The following SNURF variants were observed in gnomAD, a reference collection of about 807,000 sequenced individuals.
The protein encoded by SNURF is SNRPN upstream open reading frame.
SNURF carries 6 observed loss-of-function variants against 11.6 expected under a neutral mutation model. The ratio of observed to expected loss-of-function variants is 0.52; its 90% confidence interval spans 0.28 to 1.02. The LOEUF (loss-of-function observed/expected upper bound fraction) is 1.02, where lower values mean the gene tolerates loss of function less well. Among genes scored for constraint, SNURF ranks in the 50% least tolerant of loss-of-function variants. The pLI, the probability that SNURF is intolerant of heterozygous loss-of-function variation, is 0.09. For synonymous variants in SNURF, 29 were observed against 31.6 expected, an observed-to-expected ratio of 0.92 and a Z score of 0.27; for missense variants, 84 against 88.4, an observed-to-expected ratio of 0.95 and a Z score of 0.20.
At chr15:24,974,984 GC>G (rs1173611680) in intron 3 of SNURF, 1 of 702,926 alleles carries the variant, frequency 1.4e-6, no homozygotes, top group African/African-American at 1.7e-5. Flanking sequence ...AATAAAGAGG[GC>G]TTTGAAAATG....
intron 2 of SNURF, among the ~76,000 whole-genome samples, chr15:24,963,896 G>A (rs1440305657): frequency 3.9e-5 from 6 of 152,006 alleles, no homozygotes; most frequent in Non-Finnish European, 2.9e-5. Context: ...GCCAGGCGTG[G>A]TGTTGTCTAC....
downstream of SNURF, among the ~76,000 whole-genome samples, chr15:24,969,048 C>A (rs1460856278): frequency 6.6e-6 from 1 of 151,964 alleles, no homozygotes; most frequent in Non-Finnish European, 1.5e-5. Context: ...TCCTTCTAGC[C>A]TTTTTTTAAG....
intron 1 of SNURF, among the ~76,000 whole-genome samples, chr15:24,958,497 T>TTG (rs1375881057): frequency 7.7e-6 from 1 of 130,584 alleles, no homozygotes; most frequent in Non-Finnish European, 1.6e-5. Context: ...TTTTTTTTTT[T>TTG]TTTTTTTTTT....
At chr15:24,972,492 C>A (rs1248377021), downstream of SNURF, among the ~76,000 whole-genome samples, 2 of 150,094 alleles carry the variant, frequency 1.3e-5, no homozygotes, top group African/African-American at 2.4e-5. Flanking sequence ...TTTTAATGTA[C>A]AGACATCAGA....
intron 2 of SNURF, among the ~76,000 whole-genome samples, chr15:24,964,625 C>T (rs373034648): frequency 3.3e-5 from 5 of 152,006 alleles, no homozygotes; most frequent in East Asian, 3.9e-4. Flanking sequence ...GCAGCTCTGA[C>T]GTTTTTTTAA....
At chr15:24,977,848 C>A in exon 7 of SNURF, 1 of 1,613,160 alleles carries the variant, frequency 6.2e-7, no homozygotes, top group Non-Finnish European at 8.5e-7. Context: ...ATTGCTGGAG[C>A]CCCAACACAG....
Position 24,956,083 on chromosome 15 carries a change from A to G in SNURF, c.14+1021A>G, listed in dbSNP as rs138095496. Reference sequence around the variant, plus strand: ...CGCAGGGGCTGCAGAAATGCGTGGAATCCTTGCGTACCCTTTAGGAACCCT... The same window carrying G: ...CGCAGGGGCTGCAGAAATGCGTGGAGTCCTTGCGTACCCTTTAGGAACCCT... On this transcript the variant is annotated intron_variant, in intron 1 of 2. Transcript: ENST00000577949. 3.4e-3 allele frequency among the ~76,000 whole-genome samples: 510 copies of G among 152,206 alleles called. 4 individuals carry two copies. The highest frequency in any genetic ancestry group is 0.012 in the African/African-American group (488 of 41,528).
intron 3 of SNURF, chr15:24,974,374 C>T: frequency 7.4e-7 from 1 of 1,356,918 alleles, no homozygotes; most frequent in Admixed American, 1.7e-5. Context: ...CTGCGTCATA[C>T]CTTTATCTAT....
At chr15:24,976,850 T>G in intron 5 of SNURF, 1 of 1,600,168 alleles carries the variant, frequency 6.2e-7, no homozygotes, top group East Asian at 2.2e-5. Context: ...ATTGTTTGAT[T>G]TTAGGCTATG....
At chr15:24,968,451 A>G (rs1462385272), downstream of SNURF, 1 of 165,972 alleles carries the variant, frequency 6.0e-6, no homozygotes, top group Non-Finnish European at 1.3e-5. Flanking sequence ...TTTAGTAGAT[A>G]GCTTTGTATA....
intron 2 of SNURF, among the ~76,000 whole-genome samples, chr15:24,966,673 C>A (rs185161727): frequency 6.6e-6 from 1 of 152,234 alleles, no homozygotes; most frequent in Non-Finnish European, 1.5e-5. Context: ...GGGTAAATTC[C>A]AAGGATGTAT....
At chr15:24,963,350 C>T (rs763825769) in intron 2 of SNURF, among the ~76,000 whole-genome samples, 6 of 152,132 alleles carry the variant, frequency 3.9e-5, no homozygotes, top group African/African-American at 1.4e-4. Flanking sequence ...GGCATGGTGG[C>T]CCATGCCTGT....
chr15:24,968,385 T>C (rs777763532), exon 3 of SNURF: 7 of 191,784 alleles, frequency 3.6e-5, no homozygotes, highest in Admixed American at 2.8e-4. Flanking sequence ...ACTGAATGTT[T>C]ATAATTTCCT....
chr15:24,955,652 G>C (rs2062719507), intron 1 of SNURF, among the ~76,000 whole-genome samples: 1 of 146,698 alleles, frequency 6.8e-6, no homozygotes, highest in Non-Finnish European at 1.5e-5. Context: ...TATGGCAGTG[G>C]ACCAGGGGGA....
At chr15:24,978,381 T>C (rs1280876836), downstream of SNURF, 2 of 1,614,092 alleles carry the variant, frequency 1.2e-6, no homozygotes, top group Non-Finnish European at 8.5e-7. Flanking sequence ...ATCCTCTTTT[T>C]CTCAATGTTT....
chr15:24,966,334 G>T (rs2075631774), intron 2 of SNURF, among the ~76,000 whole-genome samples: 1 of 152,090 alleles, frequency 6.6e-6, no homozygotes, highest in South Asian at 2.1e-4. Context: ...CAAAATCTGG[G>T]CAGGTCCCAC....
chr15:24,975,089 A>G, intron 3 of SNURF: 1 of 649,978 alleles, frequency 1.5e-6, no homozygotes, highest in Non-Finnish European at 2.8e-6. Flanking sequence ...GGGAGTGGAC[A>G]GTTTAGAGCA....
At chr15:24,959,605 A>G (rs1174741727) in intron 1 of SNURF, among the ~76,000 whole-genome samples, 2 of 152,180 alleles carry the variant, frequency 1.3e-5, no homozygotes, top group Non-Finnish European at 2.9e-5. Context: ...GTTGTACACT[A>G]TTAGATTAAT....
downstream of SNURF, chr15:24,978,074 A>G (rs1254592551): frequency 5.7e-6 from 7 of 1,229,748 alleles, no homozygotes; most frequent in Admixed American, 4.4e-5. Context: ...ATTGTCATAT[A>G]GAAGTTATTT....
Sources: gnomAD v4.1 joint callset for allele counts (sites outside exome capture counted in the v4.1 genomes callset) on GRCh38, gnomAD v4.1.1 for gene constraint, MANE v1.5 for transcripts, NCBI Gene and HGNC (gene_info 2026-07-23, HGNC 2026-07-21) for gene names.